REM1: variants seen among roughly 807,000 people sequenced by gnomAD.
REM1 encodes GTP-binding protein REM 1.
A neutral mutation model predicts 27.0 loss-of-function variants in REM1; 20 were observed. That is an observed-to-expected ratio of 0.74 (90% CI 0.52 to 1.08). REM1 has a LOEUF of 1.08. Ranked by LOEUF, REM1 falls within the 50% of genes least tolerant of loss-of-function variation. REM1 has a pLI of 0.00. For missense variants in REM1, 405 were observed against 407.0 expected, an observed-to-expected ratio of 1.00 and a Z score of 0.04; for synonymous variants, 159 against 167.9, an observed-to-expected ratio of 0.95 and a Z score of 0.41.
rs1786099405 is a variant in REM1 at position 31,475,342 on chromosome 20, G to C, written c.-244G>C. 6.6e-6 allele frequency: 1 copy of C among 152,362 alleles called. No individual in the cohort carries two copies. The highest frequency in any genetic ancestry group is 1.9e-4 in the East Asian group (1 of 5,196). The allele number at this position is 152,362 out of a possible 1,614,324, so 9.4% of individuals were successfully genotyped here. A position where few individuals can be genotyped will look rare whatever the true frequency, so the allele number is the denominator to read the frequency against. On this transcript the variant is annotated 5_prime_UTR_variant, in exon 1 of 5. Coordinates refer to ENST00000201979, the MANE Select transcript of REM1 (RefSeq NM_014012.6). This position sits in a 1 kb window ranked among gnomAD's most constrained non-coding sequence, Gnocchi z 5.0. Reference sequence around the variant, plus strand: ...GCATCCAGCCGCTGGAGCTGCGAGGGACCCTGGACCCCTCCCACGCCGAGG... The same window carrying C: ...GCATCCAGCCGCTGGAGCTGCGAGGCACCCTGGACCCCTCCCACGCCGAGG...
rs1212494214 is a variant in REM1, at chr20:31,484,690, C to T, written c.*260C>T. On this transcript the variant is annotated 3_prime_UTR_variant, in exon 5 of 5. Transcript: ENST00000201979. ...GGTGGGTGTCTTTTTGTAAAAAAATCTTCCTTGTCCCTGGGCTCTGGCCAA... is the reference window on the plus strand; with the variant it reads ...GGTGGGTGTCTTTTTGTAAAAAAATTTTCCTTGTCCCTGGGCTCTGGCCAA... 2.1e-6 allele frequency: 1 copy of T among 484,472 alleles called. No individual in the cohort carries two copies. Among genetic ancestry groups the T allele is most frequent in the Non-Finnish European group, 3.6e-6 (1 of 280,596 alleles). 30.0% of individuals were successfully genotyped at this position (484,472 alleles called of 1,614,324 possible). A position where few individuals can be genotyped will look rare whatever the true frequency, so the allele number is the denominator to read the frequency against.
intron 3 of REM1, among the ~76,000 whole-genome samples, chr20:31,480,210 G>C (rs1980671256): frequency 7.3e-6 from 1 of 136,526 alleles, no homozygotes; most frequent in South Asian, 2.3e-4. Context: ...TAGATAGATA[G>C]ATAGATAGAT....
In REM1 at chr20:31,484,466, A is replaced by G; in HGVS notation, c.*36A>G. The G allele has an allele frequency of 6.9e-7, 1 of 1,450,260 alleles. No individual in the cohort carries two copies. The highest frequency in any genetic ancestry group is 9.1e-7 in the Non-Finnish European group (1 of 1,099,758). 89.8% of individuals were successfully genotyped at this position (1,450,260 alleles called of 1,614,324 possible). On this transcript the variant is annotated 3_prime_UTR_variant, in exon 5 of 5. Coordinates refer to ENST00000201979, the MANE Select transcript of REM1 (RefSeq NM_014012.6). ...CCTTCTGAGAGTTGGCGGGTCACTG[A>G]GGTGCATTCTGGGCTCCAGGGACGC... is the stretch of plus-strand genomic sequence containing the variant.
chr20:31,477,803 G>A, intron 2 of REM1, 25 bp from the exon 3 acceptor site: 1 of 1,599,782 alleles, frequency 6.3e-7, no homozygotes, highest in Non-Finnish European at 8.5e-7. Flanking sequence ...TCCTCCCTGA[G>A]ATCCAGCTCT....
At chr20:31,476,032 A>G (rs529897255) in intron 1 of REM1, among the ~76,000 whole-genome samples, 195 bp from the exon 2 acceptor site, 2 of 152,330 alleles carry the variant, frequency 1.3e-5, no homozygotes, top group African/African-American at 2.4e-5. Context: ...CCAGGGCCTC[A>G]TGTTCTGTGG....
intron 3 of REM1, among the ~76,000 whole-genome samples, chr20:31,478,404 C>A (rs1022348792): frequency 6.6e-6 from 1 of 152,082 alleles, no homozygotes; most frequent in Non-Finnish European, 1.5e-5. Context: ...CAGAGGTAAG[C>A]CCAGTTTAAA....
chr20:31,484,599 G>A lies in REM1; in HGVS notation c.*169G>A. ...CAGATCCAAGCCTGGGGGATCCCGG[G>A]AAAGCGATGGACAGACAGACGATGG... is the stretch of plus-strand genomic sequence containing the variant. On this transcript the variant is annotated 3_prime_UTR_variant, in exon 5 of 5. Transcript: ENST00000201979. 1.2e-6 allele frequency: 1 copy of A among 840,908 alleles called. No homozygotes were observed. The highest frequency in any genetic ancestry group is 1.7e-6 in the Non-Finnish European group (1 of 587,464). The allele number at this position is 840,908 out of a possible 1,614,324, so 52.1% of individuals were successfully genotyped here. A position where few individuals can be genotyped will look rare whatever the true frequency, so the allele number is the denominator to read the frequency against.
Position 31,484,794 on chromosome 20 carries a change from C to T in REM1, c.*364C>T. 4 of 221,482 alleles carry T rather than the reference C, an allele frequency of 1.8e-5. No homozygotes were observed. Among genetic ancestry groups the T allele is most frequent in the Non-Finnish European group, 2.6e-5 (3 of 113,838 alleles). The allele number at this position is 221,482 out of a possible 1,614,324, so 13.7% of individuals were successfully genotyped here. A position where few individuals can be genotyped will look rare whatever the true frequency, so the allele number is the denominator to read the frequency against. Reference sequence around the variant, plus strand: ...CCAGACCTCTCCATCTCGGCTCTTCCAGGCGTCTCCACCTACTGCCCTCCC... The same window carrying T: ...CCAGACCTCTCCATCTCGGCTCTTCTAGGCGTCTCCACCTACTGCCCTCCC... On this transcript the variant is annotated 3_prime_UTR_variant, in exon 5 of 5. Transcript: ENST00000201979.
chr20:31,481,170 A>G (rs1821353195), intron 3 of REM1, among the ~76,000 whole-genome samples: 1 of 152,072 alleles, frequency 6.6e-6, no homozygotes, highest in Non-Finnish European at 1.5e-5. Context: ...CTACTCAGGA[A>G]GCCGAGGCAG....
At chr20:31,482,965 C>T (rs1451525334) in intron 4 of REM1, among the ~76,000 whole-genome samples, 1 of 152,014 alleles carries the variant, frequency 6.6e-6, no homozygotes, top group Non-Finnish European at 1.5e-5. Context: ...AAGACCTTCT[C>T]TCTACAAAAA....
chr20:31,476,310 A>AG lies in REM1; in HGVS notation c.-131dup. 1 of 720,250 alleles carries AG rather than the reference A, an allele frequency of 1.4e-6. No homozygotes were observed. Among genetic ancestry groups the AG allele is most frequent in the Non-Finnish European group, 2.3e-6 (1 of 428,492 alleles). 44.6% of individuals were successfully genotyped at this position (720,250 alleles called of 1,614,324 possible). ...CACCTCCTACTCCCATCTGAACAAG[A>AG]GGGGGATCTGGAAGAAGCCATACAG... is the stretch of plus-strand genomic sequence containing the variant. On this transcript the variant is annotated 5_prime_UTR_variant, in exon 2 of 5. An upstream open reading frame in the 5' UTR loses its in-frame stop. Coordinates refer to ENST00000201979, the MANE Select transcript of REM1 (RefSeq NM_014012.6).
intron 3 of REM1, among the ~76,000 whole-genome samples, chr20:31,478,351 T>C (rs1382189227): frequency 6.6e-6 from 1 of 152,220 alleles, no homozygotes; most frequent in Admixed American, 6.5e-5. Context: ...TAACCATTCC[T>C]GCCTTCCTCA....
intron 2 of REM1, 152 bp from the exon 3 acceptor site, chr20:31,477,676 C>T (rs1051526094): frequency 6.1e-5 from 37 of 604,692 alleles, no homozygotes; most frequent in African/African-American, 2.9e-4. Context: ...GACATGGGCT[C>T]CTACCAGGAG....
rs750572445 is a variant in REM1, at chr20:31,484,154, C to T, written c.626-5C>T. The T allele has an allele frequency of 9.5e-5, 149 of 1,574,576 alleles. 4 individuals carry two copies. In the Middle Eastern group the frequency reaches 2.5e-3, roughly 27 times the overall value. On this transcript the variant is annotated splice_region_variant and splice_polypyrimidine_tract_variant and intron_variant, in intron 4 of 4. Coordinates refer to ENST00000201979, the MANE Select transcript of REM1 (RefSeq NM_014012.6). Reference sequence around the variant, plus strand: ...ACCCCTCCTCGCCGGGCCCCGCCCCCTTAGAGGGCCGCGCCTGCGCTGTGG... The same window carrying T: ...ACCCCTCCTCGCCGGGCCCCGCCCCTTTAGAGGGCCGCGCCTGCGCTGTGG...
chr20:31,481,246 C>T (rs1038171984), intron 3 of REM1, among the ~76,000 whole-genome samples: 1 of 152,042 alleles, frequency 6.6e-6, no homozygotes, highest in Non-Finnish European at 1.5e-5. Context: ...GCACTCCAGC[C>T]TGGGAGACAG....
rs1222267139 is a variant in REM1 at position 31,484,772 on chromosome 20, G to A, written c.*342G>A. 7.2e-6 allele frequency: 2 copies of A among 279,516 alleles called. No individual in the cohort carries two copies. Among genetic ancestry groups the A allele is most frequent in the Non-Finnish European group, 6.6e-6 (1 of 151,082 alleles). 17.3% of individuals were successfully genotyped at this position (279,516 alleles called of 1,614,324 possible). A position where few individuals can be genotyped will look rare whatever the true frequency, so the allele number is the denominator to read the frequency against. On this transcript the variant is annotated 3_prime_UTR_variant, in exon 5 of 5. Transcript: ENST00000201979. ...GAAGGATGTCCCATCTGAATGCCCAGACCTCTCCATCTCGGCTCTTCCAGG... is the reference window on the plus strand; with the variant it reads ...GAAGGATGTCCCATCTGAATGCCCAAACCTCTCCATCTCGGCTCTTCCAGG...
intron 3 of REM1, 34 bp from the exon 4 acceptor site, chr20:31,482,253 C>G: frequency 6.2e-7 from 1 of 1,605,158 alleles, no homozygotes; most frequent in South Asian, 1.1e-5. Context: ...CCTAGATACC[C>G]TCTGAGGATG....
intron 2 of REM1, 67 bp from the exon 3 acceptor site, chr20:31,477,761 C>A: frequency 8.4e-7 from 1 of 1,184,152 alleles, no homozygotes; most frequent in South Asian, 1.3e-5. Context: ...AAATGGGGGG[C>A]AGGGAACACC....
chr20:31,484,029 C>A, intron 4 of REM1, 130 bp from the exon 5 acceptor site: 1 of 1,053,558 alleles, frequency 9.5e-7, no homozygotes, highest in Non-Finnish European at 1.3e-6. Context: ...TATCTGAGTC[C>A]CCAGACAGCA....
Sources: gnomAD v4.1 joint callset for allele counts (sites outside exome capture counted in the v4.1 genomes callset) on GRCh38, gnomAD v4.1.1 for gene constraint, Gnocchi (gnomAD v3.1) non-coding constraint, MANE v1.5 for transcripts, NCBI Gene and HGNC (gene_info 2026-07-23, HGNC 2026-07-21) for gene names.